DNMT1: variants seen among roughly 807,000 people sequenced by gnomAD.
DNMT1 encodes the protein DNA methyltransferase 1.
A neutral mutation model predicts 205.3 loss-of-function variants in DNMT1; 24 were observed. The observed-to-expected ratio is 0.12, with a 90% CI of 0.08 to 0.16. The LOEUF (loss-of-function observed/expected upper bound fraction) is 0.16, where lower values mean the gene tolerates loss of function less well. Ranked by LOEUF, DNMT1 falls within the 10% of genes least tolerant of loss-of-function variation. The pLI, the probability that DNMT1 is intolerant of heterozygous loss-of-function variation, is 1.00. For missense variants in DNMT1, 1,293 were observed against 2,177.7 expected (o/e 0.59, Z 8.09); for synonymous variants, 817 against 839.8 (o/e 0.97, Z 0.47).
chr19:10,137,653 C>A lies in DNMT1; in HGVS notation c.4293+179G>T. On this transcript the variant is annotated intron_variant, in intron 36 of 40. Coordinates refer to ENST00000359526, the MANE Select transcript of DNMT1 (RefSeq NM_001130823.3). This position sits in a 1 kb window ranked among gnomAD's most constrained non-coding sequence, Gnocchi z 6.4. Reference sequence around the variant, plus strand: ...CAGACCAAGTCCAGGACTGCGGGAGCTCTGACACTTCCCATGACCATGCAA... The same window carrying A: ...CAGACCAAGTCCAGGACTGCGGGAGATCTGACACTTCCCATGACCATGCAA... The A allele has an allele frequency of 1.1e-6, 1 of 898,178 alleles. No homozygotes were observed. Among genetic ancestry groups the A allele is most frequent in the South Asian group, 1.6e-5 (1 of 63,858 alleles). 55.6% of individuals were successfully genotyped at this position (898,178 alleles called of 1,614,324 possible).
chr19:10,139,683 A>G lies in DNMT1; in HGVS notation c.3941T>C (p.Val1314Ala). The G allele has an allele frequency of 6.2e-7, 1 of 1,613,090 alleles. No homozygotes were observed. The highest frequency in any genetic ancestry group is 2.2e-5 in the East Asian group (1 of 44,878). ...VRMGYQCTFG[V>A]LQAGQYGVAQ... is the part of the protein sequence containing the mutation. ...CCCAGCCCCAGGGCCCACCTGCAGCACGCCGAAGGTGCACTGATAGCCCAT... is the reference window on the plus strand; with the variant it reads ...CCCAGCCCCAGGGCCCACCTGCAGCGCGCCGAAGGTGCACTGATAGCCCAT... The change falls in exon 34 of 41, where the codon GTG (valine) becomes GCG (alanine). Residue 1314 changes from valine to alanine, a missense_variant. Physicochemically the swap from Val to Ala is moderately conservative, Grantham distance 64. Coordinates refer to ENST00000359526, the MANE Select transcript of DNMT1 (RefSeq NM_001130823.3).
chr19:10,176,995 C>T (rs1430638687), intron 6 of DNMT1, among the ~76,000 whole-genome samples: 1 of 152,012 alleles, frequency 6.6e-6, no homozygotes, highest in Admixed American at 6.6e-5. Flanking sequence ...CAGGGACACA[C>T]AATATGGGGG....
chr19:10,162,108 C>T (rs1001202447), intron 13 of DNMT1, among the ~76,000 whole-genome samples: 33 of 150,802 alleles, frequency 2.2e-4, no homozygotes, highest in Non-Finnish European at 4.4e-4. Flanking sequence ...TCCCAAAGTG[C>T]TGAAAAGACA....
chr19:10,153,333 T>C (rs1024416868), intron 22 of DNMT1, among the ~76,000 whole-genome samples: 7 of 151,988 alleles, frequency 4.6e-5, no homozygotes, highest in Non-Finnish European at 1.0e-4. Flanking sequence ...GTTACACAAA[T>C]AAAAACAAAT....
chr19:10,148,661 G>T (rs1255757182), intron 27 of DNMT1, among the ~76,000 whole-genome samples: 1 of 152,138 alleles, frequency 6.6e-6, no homozygotes, highest in Admixed American at 6.5e-5. Context: ...TTCCTGGGTA[G>T]GGAACCCTCT....
intron 25 of DNMT1, 55 bp downstream of exon 25, chr19:10,149,798 C>T: frequency 6.2e-7 from 1 of 1,608,254 alleles, no homozygotes; most frequent in East Asian, 2.2e-5. Flanking sequence ...AAACAGGCAT[C>T]TCCTACTTGA....
At chr19:10,139,272 T>A (rs1214240786) in intron 34 of DNMT1, among the ~76,000 whole-genome samples, 1 of 152,180 alleles carries the variant, frequency 6.6e-6, no homozygotes, top group Admixed American at 6.5e-5. Flanking sequence ...AAACTGTCTT[T>A]TAAACCAATC....
intron 8 of DNMT1, 26 bp from the exon 9 acceptor site, chr19:10,173,200 C>T (rs1326591954): frequency 9.9e-6 from 16 of 1,612,908 alleles, no homozygotes; most frequent in Non-Finnish European, 1.2e-5. Flanking sequence ...ACACAGACCC[C>T]AAGTGTGAGT....
intron 19 of DNMT1, 82 bp downstream of exon 19, chr19:10,155,771 C>T: frequency 1.4e-6 from 2 of 1,448,292 alleles, no homozygotes; most frequent in Non-Finnish European, 9.5e-7. Context: ...GAATTCCCAC[C>T]AGAGCCCCGT....
At chr19:10,157,054 A>G (rs1056837035) in intron 17 of DNMT1, among the ~76,000 whole-genome samples, 1 of 152,210 alleles carries the variant, frequency 6.6e-6, no homozygotes, top group African/African-American at 2.4e-5. Flanking sequence ...AGTCAGACTT[A>G]CAGTGCGGGA....
chr19:10,175,451 T>G, intron 7 of DNMT1, 89 bp downstream of exon 7: 1 of 1,516,848 alleles, frequency 6.6e-7, no homozygotes, highest in Non-Finnish European at 9.1e-7. Context: ...GACAGGGTTT[T>G]TATTTACTTG....
At position 10,137,410 on chromosome 19, in the gene DNMT1, C is replaced by A; in HGVS notation, c.4294-130G>T. The A allele has an allele frequency of 8.3e-7, 1 of 1,197,992 alleles. No individual in the cohort carries two copies. The highest frequency in any genetic ancestry group is 1.2e-6 in the Non-Finnish European group (1 of 855,598). 74.2% of individuals were successfully genotyped at this position (1,197,992 alleles called of 1,614,324 possible). A position where few individuals can be genotyped will look rare whatever the true frequency, so the allele number is the denominator to read the frequency against. On this transcript the variant is annotated intron_variant, in intron 36 of 40. Transcript: ENST00000359526. The surrounding 1 kb of genome is among the most constrained non-coding windows in gnomAD (Gnocchi z 6.4). ...GGGCTCACGCCCATCGGGAAAGAGA[C>A]AGTCAGGGATATCGCACTTGGCTCG...
rs61750053 is a variant in DNMT1, at chr19:10,180,797, C to A, written c.206G>T (p.Arg69Leu). 2.5e-6 allele frequency: 4 copies of A among 1,613,878 alleles called. No homozygotes were observed. The highest frequency in any genetic ancestry group is 1.3e-5 in the African/African-American group (1 of 74,922). ...ACTTACCTCGGATAATTCTTCTTTACGTAATTTGGTTTCCAAGTCACATAA... is the reference window on the plus strand; with the variant it reads ...ACTTACCTCGGATAATTCTTCTTTAAGTAATTTGGTTTCCAAGTCACATAA... Reference protein sequence around the residue: ...NQLCDLETKLRKEELSEEGYL... With the variant: ...NQLCDLETKLLKEELSEEGYL... The change falls in exon 3 of 41, where the codon CGT (arginine) becomes CTT (leucine). Residue 69 changes from arginine (R) to leucine (L), a missense_variant. This residue lies in a region of DNMT1 where 394 missense variants were observed against 451.6 expected (regional missense o/e 0.87). Transcript: ENST00000359526.
intron 17 of DNMT1, among the ~76,000 whole-genome samples, chr19:10,157,740 G>C (rs1375557068): frequency 6.6e-6 from 1 of 152,228 alleles, no homozygotes; most frequent in African/African-American, 2.4e-5. Flanking sequence ...ATAGGTTGCA[G>C]CCCTGCCTCA....
At position 10,133,355 on chromosome 19, in the gene DNMT1, GGA is replaced by G. The variant is rs2089414337; in HGVS notation, c.*310_*311del. 6.6e-6 allele frequency: 3 copies of G among 453,020 alleles called. No individual in the cohort carries two copies. The highest frequency in any genetic ancestry group is 3.9e-5 in the African/African-American group (2 of 51,474). 28.1% of individuals were successfully genotyped at this position (453,020 alleles called of 1,614,324 possible). Reference sequence around the variant, plus strand: ...GAATACCCACCCAGGGTGGTTTATAGGAGAGATTTATTTGAAGAAATATTACA... The same window carrying G: ...GAATACCCACCCAGGGTGGTTTATAGGAGATTTATTTGAAGAAATATTACA... On this transcript the variant is annotated 3_prime_UTR_variant, in exon 41 of 41. Coordinates refer to ENST00000359526, the MANE Select transcript of DNMT1 (RefSeq NM_001130823.3). The surrounding 1 kb of genome is among the most constrained non-coding windows in gnomAD (Gnocchi z 4.1).
At position 10,137,921 on chromosome 19, in the gene DNMT1, T is replaced by A. The variant is rs886054127; in HGVS notation, c.4204A>T (p.Ile1402Phe). 57 of 1,612,708 alleles carry A rather than the reference T, an allele frequency of 3.5e-5. No individual in the cohort carries two copies. Among genetic ancestry groups the A allele is most frequent in the Non-Finnish European group, 4.8e-5 (57 of 1,179,706 alleles). Reference protein sequence around the residue: ...EVRNGASALEISYNGEPQSWF... With the variant: ...EVRNGASALEFSYNGEPQSWF... ...GACTGAGGCTCCCCGTTGTAGGAGA[T>A]CTCCAGTGCCGAGGCTCCATTCCGC... is the stretch of plus-strand genomic sequence containing the variant. Residue 1402 changes from isoleucine (I) to phenylalanine (F), a missense_variant, in exon 36 of 41, where the codon ATC becomes TTC. Around this residue, in one of 13 missense-constraint regions of DNMT1, gnomAD observed 148 missense variants for 256.1 expected, o/e 0.58. Transcript: ENST00000359526. This position sits in a 1 kb window ranked among gnomAD's most constrained non-coding sequence, Gnocchi z 6.4.
rs1568228332 is a variant in DNMT1 at position 10,146,635 on chromosome 19, T to C, written c.2721-111A>G. 2 of 1,380,332 alleles carry C rather than the reference T, an allele frequency of 1.4e-6. No homozygotes were observed. The highest frequency in any genetic ancestry group is 4.7e-5 in the East Asian group (2 of 42,696). 85.5% of individuals were successfully genotyped at this position (1,380,332 alleles called of 1,614,324 possible). The stretch of plus-strand genomic sequence containing the variant: ...TCTGGTAACCAAGAGGAAAAAACAT[T>C]TGCAGATGCTAGAAGGAAGAGGTGG... On this transcript the variant is annotated intron_variant, in intron 27 of 40. Coordinates refer to ENST00000359526, the MANE Select transcript of DNMT1 (RefSeq NM_001130823.3). The surrounding 1 kb of genome is among the most constrained non-coding windows in gnomAD (Gnocchi z 4.4).
intron 17 of DNMT1, among the ~76,000 whole-genome samples, chr19:10,158,794 C>A (rs547099090): frequency 3.6e-4 from 55 of 152,364 alleles, no homozygotes; most frequent in African/African-American, 1.3e-3. Flanking sequence ...ATTCACCTTC[C>A]ACAGCTGGCA....
At chr19:10,181,761 A>C (rs2039051000) in intron 2 of DNMT1, among the ~76,000 whole-genome samples, 2 of 151,992 alleles carry the variant, frequency 1.3e-5, no homozygotes, top group South Asian at 4.1e-4. Flanking sequence ...TCCGGGAGGC[A>C]GAGGTCACAG....
Sources: gnomAD v4.1 joint callset for allele counts (sites outside exome capture counted in the v4.1 genomes callset) on GRCh38, gnomAD v4.1.1 for gene constraint, gnomAD v4.1.1 regional missense constraint, Gnocchi (gnomAD v3.1) non-coding constraint, MANE v1.5 for transcripts, NCBI Gene and HGNC (gene_info 2026-07-23, HGNC 2026-07-21) for gene names.